The following MGAT5 variants were observed in gnomAD, a reference collection of about 807,000 sequenced individuals.
The protein encoded by MGAT5 is alpha-1,6-mannosylglycoprotein 6-beta-N-acetylglucosaminyltransferase.
In MGAT5, 30 loss-of-function variants were observed where a neutral mutation model predicts 94.3. That is an observed-to-expected ratio of 0.32 (90% CI 0.24 to 0.43). The LOEUF is 0.43. MGAT5 is among the 20% of genes least tolerant of loss of function. The probability of loss-of-function intolerance (pLI) is 1.00; values close to 1 mark genes in which losing one functional copy is unlikely to be tolerated. For synonymous variants in MGAT5, 310 were observed against 322.9 expected (o/e 0.96, Z 0.43); for missense variants, 691 against 905.5 (o/e 0.76, Z 3.04).
chr2:134,171,167 T>C (rs576446627), intron 1 of MGAT5, among the ~76,000 whole-genome samples: 2 of 152,342 alleles, frequency 1.3e-5, no homozygotes, highest in Admixed American at 1.3e-4. Flanking sequence ...GGCCGAGATA[T>C]ATTTCCAAAA....
At chr2:134,422,950 T>C (rs2289465) in intron 13 of MGAT5, 31 bp downstream of exon 13, 34,346 of 1,517,558 alleles carry the variant, frequency 0.023, 805 homozygotes, top group East Asian at 0.13. Context: ...TTTCCCTCCT[T>C]TCTAATGTGA....
chr2:134,263,043 G>C (rs1370073907), intron 1 of MGAT5, among the ~76,000 whole-genome samples: 4 of 152,168 alleles, frequency 2.6e-5, no homozygotes, highest in African/African-American at 7.2e-5. Context: ...CAGGGCATTG[G>C]TGGTGGTGGT....
At chr2:134,336,146 C>A in intron 4 of MGAT5, 71 bp from the exon 5 acceptor site, 1 of 1,237,528 alleles carries the variant, frequency 8.1e-7, no homozygotes, top group Non-Finnish European at 1.2e-6. Flanking sequence ...AGGAGCTGTT[C>A]TCGGTGCTTT....
At chr2:134,345,748 C>T (rs1446635512) in intron 8 of MGAT5, among the ~76,000 whole-genome samples, 1 of 152,166 alleles carries the variant, frequency 6.6e-6, no homozygotes, top group Non-Finnish European at 1.5e-5. Flanking sequence ...TAGTTTGATG[C>T]TACTCTGTGT....
At chr2:134,440,048 G>A (rs1218820698) in intron 14 of MGAT5, among the ~76,000 whole-genome samples, 1 of 152,202 alleles carries the variant, frequency 6.6e-6, no homozygotes, top group Non-Finnish European at 1.5e-5. Context: ...CACTCCTGGT[G>A]CTGGTACTCC....
intron 10 of MGAT5, among the ~76,000 whole-genome samples, chr2:134,368,347 T>C (rs780814322): frequency 1.3e-5 from 2 of 152,240 alleles, no homozygotes; most frequent in African/African-American, 2.4e-5. Flanking sequence ...ATAAGCCTGA[T>C]ATGAGCATTT....
At chr2:134,390,296 C>T (rs1452817461) in intron 10 of MGAT5, among the ~76,000 whole-genome samples, 1 of 152,146 alleles carries the variant, frequency 6.6e-6, no homozygotes, top group African/African-American at 2.4e-5. Flanking sequence ...AAAACAGCTA[C>T]CCTCCAATCA....
At chr2:134,253,375 A>G (rs1347078517), upstream of MGAT5, among the ~76,000 whole-genome samples, 1 of 152,170 alleles carries the variant, frequency 6.6e-6, no homozygotes, top group Non-Finnish European at 1.5e-5. Context: ...CATGCTGGTA[A>G]CCATTTGCAA....
intron 4 of MGAT5, among the ~76,000 whole-genome samples, chr2:134,332,697 AG>A (rs930444676): frequency 1.1e-4 from 16 of 152,292 alleles, no homozygotes; most frequent in African/African-American, 3.9e-4. Context: ...CATCTGACAA[AG>A]GGCTAATATC....
intron 2 of MGAT5, among the ~76,000 whole-genome samples, chr2:134,272,657 G>A (rs1045635030): frequency 1.3e-5 from 2 of 152,184 alleles, no homozygotes; most frequent in Non-Finnish European, 2.9e-5. Context: ...ACCCTCCAAT[G>A]TACATGATTT....
chr2:134,311,431 G>A (rs542562086), intron 2 of MGAT5, among the ~76,000 whole-genome samples: 6 of 152,224 alleles, frequency 3.9e-5, no homozygotes, highest in South Asian at 2.1e-4. Context: ...TATAGAATTA[G>A]TGTATGGAAA....
intron 1 of MGAT5, among the ~76,000 whole-genome samples, chr2:134,257,318 C>T (rs1021551411): frequency 6.6e-5 from 10 of 152,062 alleles, no homozygotes; most frequent in Admixed American, 3.3e-4. Context: ...CTGCAACACC[C>T]ACCTCCTGGG....
At chr2:134,259,920 G>T (rs1317464716) in intron 1 of MGAT5, among the ~76,000 whole-genome samples, 1 of 152,140 alleles carries the variant, frequency 6.6e-6, no homozygotes, top group African/African-American at 2.4e-5. Context: ...ATGGTGATAG[G>T]GTTTAAAATA....
chr2:134,373,221 G>A (rs1680932036), intron 10 of MGAT5, among the ~76,000 whole-genome samples: 1 of 152,200 alleles, frequency 6.6e-6, no homozygotes, highest in Non-Finnish European at 1.5e-5. Context: ...GCAAGTGTGT[G>A]GAAGCTGTTC....
chr2:134,444,253 C>G (rs982905598), intron 15 of MGAT5, among the ~76,000 whole-genome samples: 2 of 152,164 alleles, frequency 1.3e-5, no homozygotes, highest in African/African-American at 4.8e-5. Flanking sequence ...CCAGCCCCAG[C>G]CCTGGCCCCT....
intron 1 of MGAT5, among the ~76,000 whole-genome samples, chr2:134,228,532 GC>G (rs1224706281): frequency 6.6e-6 from 1 of 152,012 alleles, no homozygotes; most frequent in Non-Finnish European, 1.5e-5. Flanking sequence ...CCTTTTTCTT[GC>G]TCTGTGAAAA....
At chr2:134,195,942 C>T (rs1003678464) in intron 1 of MGAT5, among the ~76,000 whole-genome samples, 5 of 152,180 alleles carry the variant, frequency 3.3e-5, no homozygotes, top group African/African-American at 9.7e-5. Context: ...CAGCAAGTCA[C>T]TTAATATATC....
At chr2:134,296,562 G>T (rs1685686070) in intron 2 of MGAT5, among the ~76,000 whole-genome samples, 1 of 151,460 alleles carries the variant, frequency 6.6e-6, no homozygotes, top group Admixed American at 6.6e-5. Flanking sequence ...TATAGTACTT[G>T]AAAGAAAACC....
chr2:134,189,607 T>TTTTTTTTTTTTTTTTTTTTTTG (rs1553490420), intron 1 of MGAT5, among the ~76,000 whole-genome samples: 4 of 80,618 alleles, frequency 5.0e-5, no homozygotes, highest in Non-Finnish European at 9.3e-5. Flanking sequence ...TTTTTGTTTT[T>TTTTTTTTTTTTTTTTTTTTTTG]TTTTTTTTTT....
Sources: gnomAD v4.1 joint callset for allele counts (sites outside exome capture counted in the v4.1 genomes callset) on GRCh38, gnomAD v4.1.1 for gene constraint, MANE v1.5 for transcripts, NCBI Gene and HGNC (gene_info 2026-07-23, HGNC 2026-07-21) for gene names.